The following LARGE1 variants were observed in gnomAD, a reference collection of about 807,000 sequenced individuals.
LARGE1 encodes the protein LARGE xylosyl- and glucuronyltransferase 1.
A neutral mutation model predicts 87.6 loss-of-function variants in LARGE1; 43 were observed. The ratio of observed to expected loss-of-function variants is 0.49; its 90% CI spans 0.38 to 0.63. The LOEUF is 0.63. Ranked by LOEUF, LARGE1 falls within the 30% of genes least tolerant of loss-of-function variation. The pLI, the probability that LARGE1 is intolerant of heterozygous loss-of-function variation, is 0.00. For missense variants in LARGE1, 802 were observed against 1,000.2 expected (o/e 0.80, Z 2.67); for synonymous variants, 434 against 394.6 (o/e 1.10, Z -1.18).
intron 2 of LARGE1, among the ~76,000 whole-genome samples, chr22:33,693,181 GTGAGAGCTAAAC>G (rs1429328019): frequency 6.6e-6 from 1 of 152,168 alleles, no homozygotes; most frequent in African/African-American, 2.4e-5. Flanking sequence ...TCACTTACAA[GTGAGAGCTAAAC>G]TACGGTTCGC....
intron 9 of LARGE1, among the ~76,000 whole-genome samples, chr22:33,358,946 C>T (rs940617925): frequency 1.4e-4 from 21 of 151,200 alleles, no homozygotes; most frequent in Admixed American, 3.3e-4. Flanking sequence ...TGAAGTGAGC[C>T]GAGACTGCAC....
At chr22:33,389,343 G>GCA (rs2065435676) in intron 7 of LARGE1, among the ~76,000 whole-genome samples, 1 of 152,212 alleles carries the variant, frequency 6.6e-6, no homozygotes, top group African/African-American at 2.4e-5. Flanking sequence ...AAAACCCACT[G>GCA]GGAGTTAAGC....
At chr22:33,764,747 A>C (rs1477868409) in intron 1 of LARGE1, among the ~76,000 whole-genome samples, 1 of 152,176 alleles carries the variant, frequency 6.6e-6, no homozygotes, top group Non-Finnish European at 1.5e-5. Context: ...ACACAGCAAG[A>C]CTCCATCTCA....
intron 5 of LARGE1, among the ~76,000 whole-genome samples, chr22:33,584,588 T>C (rs947023993): frequency 6.6e-6 from 1 of 152,210 alleles, no homozygotes; most frequent in Admixed American, 6.5e-5. Context: ...ACCTGAGTTG[T>C]TTCCTCCTAA....
rs565964478 is a variant in LARGE1 at position 33,832,581 on chromosome 22, G to T, written c.-82-71023C>A. On this transcript the variant is annotated intron_variant, in intron 1 of 14. Transcript: ENST00000397394. ...CAGGCCTCAACAGCATGGAAGTCAG[G>T]AAGGGTCGATTAAGATGCGGCAACC... Among the ~76,000 whole-genome samples the T allele has an allele frequency of 3.6e-4, 55 of 152,326 alleles. 1 individual carries two copies. The highest frequency in any genetic ancestry group is 2.5e-3 in the South Asian group (12 of 4,826).
chr22:33,477,192 T>C (rs1260600215), intron 6 of LARGE1, among the ~76,000 whole-genome samples: 1 of 152,244 alleles, frequency 6.6e-6, no homozygotes, highest in Non-Finnish European at 1.5e-5. Flanking sequence ...ACTTCATATG[T>C]ACAGATTTCT....
intron 2 of LARGE1, among the ~76,000 whole-genome samples, chr22:33,749,658 TTA>T (rs1470006064): frequency 6.6e-6 from 1 of 152,214 alleles, no homozygotes; most frequent in Non-Finnish European, 1.5e-5. Flanking sequence ...CTTCTCTTGA[TTA>T]TATGAGTCTA....
chr22:33,599,619 G>A (rs934911687), intron 5 of LARGE1, among the ~76,000 whole-genome samples: 8 of 152,142 alleles, frequency 5.3e-5, no homozygotes, highest in Non-Finnish European at 1.0e-4. Context: ...ATTTCCCACA[G>A]TTCGTTTTTA....
intron 11 of LARGE1, among the ~76,000 whole-genome samples, chr22:33,197,213 C>A (rs1158849537): frequency 6.6e-6 from 1 of 151,944 alleles, no homozygotes; most frequent in East Asian, 1.9e-4. Flanking sequence ...TAAATATTTC[C>A]CACAAGAGTG....
chr22:33,256,363 A>C (rs1403679749), intron 11 of LARGE1, among the ~76,000 whole-genome samples: 2 of 152,230 alleles, frequency 1.3e-5, no homozygotes, highest in Non-Finnish European at 2.9e-5. Context: ...GTTGAAAAGA[A>C]CACAGAGAGA....
intron 10 of LARGE1, among the ~76,000 whole-genome samples, chr22:33,337,070 A>G (rs1380373081): frequency 6.6e-6 from 1 of 151,952 alleles, no homozygotes; most frequent in African/African-American, 2.4e-5. Context: ...AAAAAAAAAA[A>G]AAAAGTGGGT....
At chr22:33,736,887 G>C (rs1199057317) in intron 2 of LARGE1, among the ~76,000 whole-genome samples, 1 of 152,154 alleles carries the variant, frequency 6.6e-6, no homozygotes, top group Non-Finnish European at 1.5e-5. Flanking sequence ...TTCTAGAAAG[G>C]AGATAAATAA....
chr22:33,793,289 G>T (rs2085880191), intron 1 of LARGE1, among the ~76,000 whole-genome samples: 1 of 152,116 alleles, frequency 6.6e-6, no homozygotes, highest in African/African-American at 2.4e-5. Context: ...AAAGGAAACA[G>T]CCAACCACCC....
rs192001362 is a variant in LARGE1 at position 33,514,801 on chromosome 22, C to T, written c.787+50047G>A. 1.6e-3 allele frequency among the ~76,000 whole-genome samples: 241 copies of T among 152,158 alleles called. 1 individual carries two copies. Among genetic ancestry groups the T allele is most frequent in the Middle Eastern group, 3.4e-3 (1 of 294 alleles). ...CAGTCCTATTAAAGTGAGTCAGAAACACGGACCTATAAAGGGGTGAAACAA... is the reference window on the plus strand; with the variant it reads ...CAGTCCTATTAAAGTGAGTCAGAAATACGGACCTATAAAGGGGTGAAACAA... On this transcript the variant is annotated intron_variant, in intron 6 of 14. Transcript: ENST00000397394.
chr22:33,890,070 A>C (rs897256592), intron 1 of LARGE1, among the ~76,000 whole-genome samples: 3 of 152,188 alleles, frequency 2.0e-5, no homozygotes, highest in South Asian at 2.1e-4. Flanking sequence ...CTGGCTCCTC[A>C]GGCCTGGGAG....
At chr22:33,438,937 G>A (rs531624196) in intron 6 of LARGE1, among the ~76,000 whole-genome samples, 53 of 152,208 alleles carry the variant, frequency 3.5e-4, no homozygotes, top group African/African-American at 9.4e-4. Context: ...AAGGCCGGGC[G>A]CGGTGGCTCA....
At chr22:33,507,465 C>T (rs1360002860) in intron 6 of LARGE1, among the ~76,000 whole-genome samples, 1 of 152,126 alleles carries the variant, frequency 6.6e-6, no homozygotes, top group Non-Finnish European at 1.5e-5. Flanking sequence ...CCGCAAACAT[C>T]ATATGACTCC....
chr22:33,345,870 TA>T (rs1939687469), intron 9 of LARGE1, among the ~76,000 whole-genome samples: 1 of 152,166 alleles, frequency 6.6e-6, no homozygotes, highest in Non-Finnish European at 1.5e-5. Context: ...AGAGGGTTCA[TA>T]AAAGTAATTA....
At chr22:33,294,765 T>C (rs1396130533) in intron 12 of LARGE1, among the ~76,000 whole-genome samples, 1 of 152,108 alleles carries the variant, frequency 6.6e-6, no homozygotes, top group Non-Finnish European at 1.5e-5. Context: ...ATGGTTACGT[T>C]TCCAGGTCCT....
Sources: gnomAD v4.1 joint callset for allele counts (sites outside exome capture counted in the v4.1 genomes callset) on GRCh38, gnomAD v4.1.1 for gene constraint, MANE v1.5 for transcripts, NCBI Gene and HGNC (gene_info 2026-07-23, HGNC 2026-07-21) for gene names.